The following MVP variants were observed in gnomAD, a reference collection of about 807,000 sequenced individuals.
MVP encodes major vault protein.
Under a neutral mutation model 83.5 loss-of-function variants are expected in MVP, and 62 were observed. The observed-to-expected ratio is 0.74, with a 90% CI of 0.61 to 0.92. The LOEUF is 0.92. Ranked by LOEUF, MVP falls within the 40% of genes least tolerant of loss-of-function variation. The pLI is 0.00. For synonymous variants in MVP, 505 were observed against 504.1 expected, an observed-to-expected ratio of 1.00 and a Z score of -0.02; for missense variants, 1,000 against 1,203.4, an observed-to-expected ratio of 0.83 and a Z score of 2.50.
chr16:29,835,576 G>T, intron 5 of MVP, 128 bp from the exon 6 acceptor site: 2 of 554,210 alleles, frequency 3.6e-6, no homozygotes, highest in Non-Finnish European at 6.3e-6. Flanking sequence ...TCAGGAACTT[G>T]AGCCTGGGGT....
intron 3 of MVP, chr16:29,831,734 G>A (rs931081593): frequency 4.2e-5 from 19 of 455,896 alleles, no homozygotes; most frequent in South Asian, 2.5e-4. Flanking sequence ...GCCAGACACT[G>A]GTGGGCAGTG....
intron 1 of MVP, among the ~76,000 whole-genome samples, chr16:29,823,581 C>T (rs1038733340): frequency 8.0e-5 from 12 of 150,864 alleles, no homozygotes; most frequent in Admixed American, 1.3e-4. Flanking sequence ...AGGCCAGGCG[C>T]GGTGGCTCAC....
chr16:29,842,034 G>A lies in MVP; in HGVS notation c.1556G>A (p.Gly519Glu). The A allele has an allele frequency of 6.2e-7, 1 of 1,610,960 alleles. No individual in the cohort carries two copies. The highest frequency in any genetic ancestry group is 8.5e-7 in the Non-Finnish European group (1 of 1,179,944). ...CGCCGTGCGCTCTGCCTGCTGCTGG[G>A]GCCTGACTTCTTCACAGACGTCATC... is the stretch of plus-strand genomic sequence containing the variant. ...HARRALCLLL[G>E]PDFFTDVITI... The change falls in exon 10 of 15, where the codon GGG (glycine) becomes GAG (glutamate). Residue 519 changes from glycine to glutamate, a missense_variant. Transcript: ENST00000357402.
chr16:29,845,538 T>C (rs941800441), intron 11 of MVP, among the ~76,000 whole-genome samples: 4 of 152,292 alleles, frequency 2.6e-5, no homozygotes, highest in African/African-American at 9.6e-5. Flanking sequence ...TGGGGAACAC[T>C]TTTCTTTCTC....
At chr16:29,835,909 G>T in intron 6 of MVP, 111 bp downstream of exon 6, 1 of 887,672 alleles carries the variant, frequency 1.1e-6, no homozygotes, top group Non-Finnish European at 1.8e-6. Context: ...ATAATTTTAG[G>T]GTCACTTAAA....
chr16:29,840,171 C>T lies in MVP; in HGVS notation c.910-7C>T, dbSNP rs2067521992. Reference sequence around the variant, plus strand: ...GCACTGACCCTAACCTCACGTCTCCCCACTAGGGAGAGAAGTCTTTTTTCC... The same window carrying T: ...GCACTGACCCTAACCTCACGTCTCCTCACTAGGGAGAGAAGTCTTTTTTCC... On this transcript the variant is annotated splice_polypyrimidine_tract_variant and splice_region_variant and intron_variant, in intron 7 of 14. Transcript: ENST00000357402. The T allele has an allele frequency of 6.2e-7, 1 of 1,602,296 alleles. No individual in the cohort carries two copies. Among genetic ancestry groups the T allele is most frequent in the African/African-American group, 1.3e-5 (1 of 74,700 alleles).
chr16:29,821,875 T>C (rs1489169303), intron 1 of MVP, among the ~76,000 whole-genome samples: 2 of 152,200 alleles, frequency 1.3e-5, no homozygotes, highest in African/African-American at 4.8e-5. Flanking sequence ...TCCCGGAAAC[T>C]TAGACCCAGT....
chr16:29,829,117 A>G (rs1388116228), intron 1 of MVP, among the ~76,000 whole-genome samples: 4 of 142,534 alleles, frequency 2.8e-5, no homozygotes, highest in Admixed American at 1.5e-4. Context: ...TCTGCCTCTC[A>G]TAATGCTGGG....
intron 7 of MVP, 70 bp from the exon 8 acceptor site, chr16:29,840,108 C>A: frequency 2.0e-6 from 3 of 1,490,184 alleles, no homozygotes; most frequent in Non-Finnish European, 2.7e-6. Context: ...CAGCACAGGA[C>A]TGGGGAGGTA....
intron 13 of MVP, 29 bp downstream of exon 13, chr16:29,846,313 G>T: frequency 6.5e-7 from 1 of 1,539,022 alleles, no homozygotes; most frequent in South Asian, 1.2e-5. Flanking sequence ...TAAGAAGAGG[G>T]TGGCCTTGAG....
intron 8 of MVP, 117 bp downstream of exon 8, chr16:29,840,576 G>A (rs2067526835): frequency 8.0e-7 from 1 of 1,244,674 alleles, no homozygotes; most frequent in East Asian, 2.6e-5. Flanking sequence ...GCCATATCAG[G>A]TGGGCTGTCT....
In MVP at chr16:29,840,370, T is replaced by C; in HGVS notation, c.1102T>C (p.Ser368Pro). 1.2e-6 allele frequency: 2 copies of C among 1,603,114 alleles called. No individual in the cohort carries two copies. The highest frequency in any genetic ancestry group is 1.7e-6 in the Non-Finnish European group (2 of 1,175,596). The change falls in exon 8 of 15, where the codon TCT becomes CCT. Residue 368 changes from serine (S) to proline (P), a missense_variant. Coordinates refer to ENST00000357402, the MANE Select transcript of MVP (RefSeq NM_005115.5). ...LIRGPLEYVP[S>P]AKVEVVEERQ... ...CCGCGGACCCCTGGAGTATGTGCCA[T>C]CTGCCAAAGTGGAGGTGGTGGAGGA...
In MVP at chr16:29,847,228, G is replaced by T; in HGVS notation, c.2297G>T (p.Arg766Leu). 6.2e-7 allele frequency: 1 copy of T among 1,613,634 alleles called. No homozygotes were observed. Among genetic ancestry groups the T allele is most frequent in the East Asian group, 2.2e-5 (1 of 44,850 alleles). ...GAGCTCCAGAGGGTCCAGAAGGTCC[G>T]AGAGCTGGAACTGGTCTATGCCCGG... ...EAELQRVQKV[R>L]ELELVYARAQ... The change falls in exon 14 of 15, where the codon CGA becomes CTA. Residue 766 changes from arginine (R) to leucine (L), a missense_variant. By Grantham distance (102) the Arg-to-Leu change is moderately radical (BLOSUM62 -2). Coordinates refer to ENST00000357402, the MANE Select transcript of MVP (RefSeq NM_005115.5).
At chr16:29,837,332 G>GCGTA (rs1343536922) in intron 7 of MVP, among the ~76,000 whole-genome samples, 1 of 152,214 alleles carries the variant, frequency 6.6e-6, no homozygotes, top group African/African-American at 2.4e-5. Context: ...AGTCTAGATG[G>GCGTA]CGTAGCCTGC....
upstream of MVP, chr16:29,820,458 G>A (rs565903622): frequency 2.6e-5 from 4 of 151,504 alleles, no homozygotes; most frequent in East Asian, 7.7e-4. Context: ...CCCCAAGGCA[G>A]GGTGAGAGTT....
chr16:29,836,824 C>T lies in MVP; in HGVS notation c.775C>T (p.His259Tyr), dbSNP rs779656687. ...WLVTVQDTEA[H>Y]VPDVHEEVLG... ...GGTAACAGTGCAGGACACAGAGGCCCACGTGCCAGATGTCCACGAGGAGGT... is the reference window on the plus strand; with the variant it reads ...GGTAACAGTGCAGGACACAGAGGCCTACGTGCCAGATGTCCACGAGGAGGT... The change falls in exon 7 of 15, where the codon CAC becomes TAC. Residue 259 changes from histidine to tyrosine, a missense_variant. Physicochemically the swap from His to Tyr is moderately conservative, Grantham distance 83 (BLOSUM62 2). Coordinates refer to ENST00000357402, the MANE Select transcript of MVP (RefSeq NM_005115.5). 17 of 1,613,706 alleles carry T rather than the reference C, an allele frequency of 1.1e-5. No homozygotes were observed. The African/African-American group carries it at 1.1e-4, about 10-fold the overall frequency.
Position 29,841,865 on chromosome 16 carries a change from A to T in MVP, c.1436+25A>T. Reference sequence around the variant, plus strand: ...GGTGAGTGCTGGCAGCGCAGGGTGTAGGGGGTGGCTCTCCATGGGTCTGGC... The same window carrying T: ...GGTGAGTGCTGGCAGCGCAGGGTGTTGGGGGTGGCTCTCCATGGGTCTGGC... On this transcript the variant is annotated intron_variant, in intron 9 of 14. Transcript: ENST00000357402. This position sits in a 1 kb window ranked among gnomAD's most constrained non-coding sequence, Gnocchi z 4.7. The T allele has an allele frequency of 6.2e-7, 1 of 1,608,252 alleles. No homozygotes were observed. Among genetic ancestry groups the T allele is most frequent in the Non-Finnish European group, 8.5e-7 (1 of 1,179,734 alleles).
At chr16:29,834,309 C>G in intron 5 of MVP, 1 of 479,032 alleles carries the variant, frequency 2.1e-6, no homozygotes, top group Non-Finnish European at 3.8e-6. Flanking sequence ...CTCACCTTCA[C>G]CATGAGCTGT....
At chr16:29,822,572 C>G (rs2067371144) in intron 1 of MVP, 1 of 152,092 alleles carries the variant, frequency 6.6e-6, no homozygotes, top group Admixed American at 6.6e-5. Context: ...GGGGCAGGGC[C>G]GCATCACCGA....
Sources: gnomAD v4.1 joint callset for allele counts (sites outside exome capture counted in the v4.1 genomes callset) on GRCh38, gnomAD v4.1.1 for gene constraint, Gnocchi (gnomAD v3.1) non-coding constraint, MANE v1.5 for transcripts, NCBI Gene and HGNC (gene_info 2026-07-23, HGNC 2026-07-21) for gene names.